TCTN2: variants seen among roughly 807,000 people sequenced by gnomAD.
TCTN2 encodes the protein tectonic family member 2, also known as tectonic-2.
In TCTN2, 66 loss-of-function variants were observed where a neutral mutation model predicts 83.4. That is an observed-to-expected ratio of 0.79 (90% confidence interval 0.65 to 0.97). TCTN2 has a LOEUF of 0.97. TCTN2 is among the 50% of genes least tolerant of loss of function. The probability of loss-of-function intolerance (pLI) is 0.00; values close to 1 mark genes in which losing one functional copy is unlikely to be tolerated. For synonymous variants in TCTN2, 301 were observed against 326.7 expected, an observed-to-expected ratio of 0.92 and a Z score of 0.85; for missense variants, 794 against 858.1, an observed-to-expected ratio of 0.93 and a Z score of 0.93.
chr12:123,676,033 C>A (rs1261174215), intron 4 of TCTN2, among the ~76,000 whole-genome samples: 1 of 152,112 alleles, frequency 6.6e-6, no homozygotes, highest in African/African-American at 2.4e-5. Flanking sequence ...AATCCCAACA[C>A]TTTTAGAGGC....
intron 5 of TCTN2, among the ~76,000 whole-genome samples, chr12:123,683,603 T>C (rs1955926850): frequency 6.6e-6 from 1 of 152,034 alleles, no homozygotes; most frequent in Non-Finnish European, 1.5e-5. Context: ...ATTTTTAACC[T>C]TTCTTTTTTA....
intron 17 of TCTN2, 52 bp downstream of exon 17, chr12:123,707,125 A>AT (rs1257942123): frequency 3.3e-6 from 5 of 1,499,224 alleles, no homozygotes; most frequent in African/African-American, 2.8e-5. Context: ...ATTTAAAAAA[A>AT]TTTTTTAAAT....
chr12:123,672,090 C>G lies in TCTN2; in HGVS notation c.225C>G (p.Asn75Lys). ...ILPIPTCGVL[N>K]NETEDWSVTV... The stretch of plus-strand genomic sequence containing the variant: ...CAATTCCGACGTGTGGAGTGCTGAA[C>G]AATGAGACGGAAGACTGGAGCGTGA... Residue 75 changes from asparagine (N) to lysine (K), a missense_variant, in exon 3 of 18, where the codon AAC becomes AAG. Asn to Lys is a moderately conservative substitution (Grantham distance 94, BLOSUM62 0). Transcript: ENST00000303372. The G allele has an allele frequency of 6.2e-7, 1 of 1,614,074 alleles. No homozygotes were observed. Among genetic ancestry groups the G allele is most frequent in the Non-Finnish European group, 8.5e-7 (1 of 1,180,018 alleles).
chr12:123,691,956 GCGATCT>G (rs1287820843), intron 8 of TCTN2, among the ~76,000 whole-genome samples: 1 of 151,606 alleles, frequency 6.6e-6, no homozygotes, highest in East Asian at 1.9e-4. Context: ...GTGCGATGGC[GCGATCT>G]CGGCTCACGG....
intron 7 of TCTN2, among the ~76,000 whole-genome samples, chr12:123,689,095 T>G (rs1956011790): frequency 6.6e-6 from 1 of 151,760 alleles, no homozygotes; most frequent in African/African-American, 2.4e-5. Context: ...ATAGTCTTGC[T>G]CTGTCACCTA....
chr12:123,697,192 A>G lies in TCTN2; in HGVS notation c.1499A>G (p.Gln500Arg), dbSNP rs866607617. The change falls in exon 13 of 18, where the codon CAG becomes CGG. Residue 500 changes from glutamine to arginine, a missense_variant. Gln to Arg is a conservative substitution (Grantham distance 43, BLOSUM62 1). Transcript: ENST00000303372. ...LEVGINENCTQLRENAVERLD... is the reference protein window; with the variant it reads ...LEVGINENCTRLRENAVERLD... ...GTCGGGATTAATGAAAATTGTACTC[A>G]GCTCAGGTGAGTGTTTCATTGATGA... The G allele has an allele frequency of 1.2e-6, 2 of 1,607,614 alleles. No individual in the cohort carries two copies. The highest frequency in any genetic ancestry group is 1.1e-5 in the South Asian group (1 of 90,938).
chr12:123,678,217 C>G (rs925273158), intron 4 of TCTN2, among the ~76,000 whole-genome samples: 3 of 152,208 alleles, frequency 2.0e-5, no homozygotes, highest in Non-Finnish European at 2.9e-5. Flanking sequence ...GGTACCACAG[C>G]CACGAACCAT....
At chr12:123,706,390 A>G (rs1464090957) in intron 15 of TCTN2, among the ~76,000 whole-genome samples, 2 of 152,164 alleles carry the variant, frequency 1.3e-5, no homozygotes, top group African/African-American at 4.8e-5. Context: ...TTTTATTATT[A>G]TATTGTTTGA....
intron 9 of TCTN2, 51 bp from the exon 10 acceptor site, chr12:123,694,791 G>A: frequency 6.3e-7 from 1 of 1,595,696 alleles, no homozygotes. Flanking sequence ...CAGTAACAGA[G>A]TCAGGCTCAA....
chr12:123,706,281 C>T (rs980426154), intron 15 of TCTN2, among the ~76,000 whole-genome samples: 5 of 152,154 alleles, frequency 3.3e-5, no homozygotes, highest in South Asian at 2.1e-4. Context: ...TTACCACCTC[C>T]GCAGTACTCT....
chr12:123,707,670 TC>T lies in TCTN2; in HGVS notation c.2053del (p.Leu685SerfsTer33), dbSNP rs1956247149. ...LLLLFLTLALFLSNPWTRICK... is the reference protein window; with the variant it reads ...LLLLFLTLALXLSNPWTRICK... ...CTGTTGTTCCTCACATTGGCCTTGT[TC>T]CTCAGCAACCCCTGGACCAGAATAT... On this transcript the variant is annotated frameshift_variant, in exon 18 of 18. Coordinates refer to ENST00000303372, the MANE Select transcript of TCTN2 (RefSeq NM_024809.5). LOFTEE classifies it low-confidence loss of function (END_TRUNC). The T allele has an allele frequency of 2.5e-6, 4 of 1,614,216 alleles. No individual in the cohort carries two copies. Among genetic ancestry groups the T allele is most frequent in the Non-Finnish European group, 3.4e-6 (4 of 1,180,026 alleles).
At chr12:123,700,233 A>T in intron 14 of TCTN2, 1 of 320,948 alleles carries the variant, frequency 3.1e-6, no homozygotes, top group Non-Finnish European at 6.0e-6. Flanking sequence ...CTGGTCATTA[A>T]CTCCTGGGCT....
In TCTN2 at chr12:123,679,144, C is replaced by A. The variant is rs375892467; in HGVS notation, c.464-45C>A. On this transcript the variant is annotated intron_variant, in intron 4 of 17. Coordinates refer to ENST00000303372, the MANE Select transcript of TCTN2 (RefSeq NM_024809.5). ...TGTCAAAAATGTGACTGTGCTTTGT[C>A]GGAATGTTTCTTAGCTGAATTTTTC... 4.0e-6 allele frequency: 6 copies of A among 1,511,032 alleles called. No homozygotes were observed. The Admixed American group carries it at 6.7e-5, about 17-fold the overall frequency. The allele number at this position is 1,511,032 out of a possible 1,614,324, so 93.6% of individuals were successfully genotyped here.
intron 4 of TCTN2, among the ~76,000 whole-genome samples, chr12:123,675,839 C>T (rs1955813845): frequency 6.6e-6 from 1 of 151,706 alleles, no homozygotes; most frequent in Non-Finnish European, 1.5e-5. Context: ...GTGTTACCCA[C>T]TTAAAAGTTT....
chr12:123,690,514 C>T lies in TCTN2; in HGVS notation c.892-19C>T, dbSNP rs1287928389. ...AGGAGAGAGGCCATAAATCTGTTGG[C>T]TTTGCCCTTCTCCCTCAGGTGTCCC... On this transcript the variant is annotated intron_variant, in intron 7 of 17. Coordinates refer to ENST00000303372, the MANE Select transcript of TCTN2 (RefSeq NM_024809.5). 3.1e-6 allele frequency: 5 copies of T among 1,614,152 alleles called. No individual in the cohort carries two copies. The highest frequency in any genetic ancestry group is 4.2e-6 in the Non-Finnish European group (5 of 1,180,012).
At chr12:123,690,493 G>T in intron 7 of TCTN2, 40 bp from the exon 8 acceptor site, 2 of 1,613,976 alleles carry the variant, frequency 1.2e-6, no homozygotes, top group South Asian at 2.2e-5. Flanking sequence ...ATGATTAGGA[G>T]AGAGGCCATA....
At chr12:123,686,729 C>A in intron 5 of TCTN2, 107 bp from the exon 6 acceptor site, 1 of 1,075,008 alleles carries the variant, frequency 9.3e-7, no homozygotes, top group Non-Finnish European at 1.4e-6. Flanking sequence ...GGTTTTCTTG[C>A]TTACTTGGTA....
chr12:123,700,352 G>A lies in TCTN2; in HGVS notation c.1612+542G>A, dbSNP rs896695014. ...TCTTTGTGAAAGAAAGTCTAGGCTG[G>A]GAGCAGTGGCTCACACTTATAATCC... On this transcript the variant is annotated intron_variant, in intron 14 of 17. Transcript: ENST00000303372. 2.0e-5 allele frequency among the ~76,000 whole-genome samples: 3 copies of A among 152,150 alleles called. No homozygotes were observed. In the South Asian group the frequency reaches 6.2e-4, roughly 32 times the overall value.
At chr12:123,702,650 C>A (rs1024898303) in intron 14 of TCTN2, among the ~76,000 whole-genome samples, 1 of 152,168 alleles carries the variant, frequency 6.6e-6, no homozygotes, top group Admixed American at 6.5e-5. Flanking sequence ...GCTTGTCAAG[C>A]CCTGGGCTCT....
Sources: gnomAD v4.1 joint callset for allele counts (sites outside exome capture counted in the v4.1 genomes callset) on GRCh38, gnomAD v4.1.1 for gene constraint, MANE v1.5 for transcripts, NCBI Gene and HGNC (gene_info 2026-07-23, HGNC 2026-07-21) for gene names.